The following ARMC8 variants were observed in gnomAD, a reference collection of about 807,000 sequenced individuals.
ARMC8 encodes the protein armadillo repeat-containing protein 8.
A neutral mutation model predicts 99.3 loss-of-function variants in ARMC8; 20 were observed. The ratio of observed to expected loss-of-function variants is 0.20; its 90% CI spans 0.14 to 0.29. The LOEUF is 0.29. Ranked by LOEUF, ARMC8 falls within the 10% of genes least tolerant of loss-of-function variation. The probability of loss-of-function intolerance (pLI) is 1.00; values close to 1 mark genes in which losing one functional copy is unlikely to be tolerated. For synonymous variants in ARMC8, 263 were observed against 278.3 expected (o/e 0.95, Z 0.55); for missense variants, 569 against 809.5 (o/e 0.70, Z 3.60).
At chr3:138,245,915 C>A (rs2046859862) in intron 12 of ARMC8, 2 of 985,276 alleles carry the variant, frequency 2.0e-6, no homozygotes, top group Admixed American at 6.2e-5. Context: ...AAATTCTACA[C>A]AAGGCTTTCA....
chr3:138,238,323 C>G (rs1236266876), intron 9 of ARMC8: 1 of 152,276 alleles, frequency 6.6e-6, no homozygotes, highest in African/African-American at 2.4e-5. Flanking sequence ...CCTCGGCCTC[C>G]CAAAGTGCTG....
At chr3:138,198,451 T>C (rs905368882) in intron 1 of ARMC8, among the ~76,000 whole-genome samples, 1 of 151,600 alleles carries the variant, frequency 6.6e-6, no homozygotes, top group East Asian at 1.9e-4. Context: ...ACTCCCACTT[T>C]TTAAAAACAA....
chr3:138,237,192 C>G, intron 7 of ARMC8, 117 bp from the exon 8 acceptor site: 1 of 813,826 alleles, frequency 1.2e-6, no homozygotes, highest in Non-Finnish European at 2.0e-6. Flanking sequence ...TTCTTTGAGG[C>G]CTGTTAGTAT....
intron 14 of ARMC8, among the ~76,000 whole-genome samples, chr3:138,265,940 G>C (rs1446535731): frequency 1.3e-5 from 2 of 152,216 alleles, no homozygotes; most frequent in Non-Finnish European, 2.9e-5. Flanking sequence ...AGCTACTTCA[G>C]TGGAAGGAAT....
intron 1 of ARMC8, among the ~76,000 whole-genome samples, chr3:138,200,792 A>C (rs2044013843): frequency 6.6e-6 from 1 of 152,124 alleles, no homozygotes. Context: ...TATGCTATTA[A>C]ACATTTTTTC....
rs71146119 is a variant in ARMC8 at position 138,229,134 on chromosome 3, GTATATATATATATATATATATATATATA to G, written c.528+146_528+173del. 127 of 78,614 alleles carry G rather than the reference GTATATATATATATATATATATATATATA, an allele frequency of 1.6e-3. 1 individual carries two copies. The highest frequency in any genetic ancestry group is 3.6e-3 in the Admixed American group (24 of 6,620). 4.9% of individuals were successfully genotyped at this position (78,614 alleles called of 1,614,324 possible). ...TATAAGTAGACCTGTGTGTGTGCGT[GTATATATATATATATATATATATATATA>G]TATATATATATATATATATATGTAT... On this transcript the variant is annotated intron_variant, in intron 6 of 21. Transcript: ENST00000469044.
In ARMC8 at chr3:138,289,034, T is replaced by C; in HGVS notation, c.1822-14T>C. On this transcript the variant is annotated splice_polypyrimidine_tract_variant and intron_variant, in intron 19 of 21. Coordinates refer to ENST00000469044, the MANE Select transcript of ARMC8 (RefSeq NM_001363941.2). ...CCACCATTTTGATTTTTTTTTCTTT[T>C]TCTGTATTAATAGGGCCATTCACAT... is the stretch of plus-strand genomic sequence containing the variant. 1 of 1,606,686 alleles carries C rather than the reference T, an allele frequency of 6.2e-7. No individual in the cohort carries two copies. The highest frequency in any genetic ancestry group is 1.1e-5 in the South Asian group (1 of 89,696).
intron 12 of ARMC8, chr3:138,245,386 G>C: frequency 8.6e-6 from 12 of 1,400,534 alleles, no homozygotes; most frequent in Non-Finnish European, 1.1e-5. Context: ...TGGCATGGCC[G>C]TGCTGGAATG....
At chr3:138,209,735 A>T in intron 1 of ARMC8, 82 bp from the exon 2 acceptor site, 1 of 1,145,294 alleles carries the variant, frequency 8.7e-7, no homozygotes, top group Non-Finnish European at 1.3e-6. Context: ...TAAATTATCT[A>T]GTCACTTGAT....
intron 2 of ARMC8, among the ~76,000 whole-genome samples, chr3:138,211,466 G>A (rs1038895306): frequency 6.6e-6 from 1 of 152,152 alleles, no homozygotes; most frequent in African/African-American, 2.4e-5. Context: ...AAGAACACTA[G>A]TTTCTCAAAA....
intron 19 of ARMC8, among the ~76,000 whole-genome samples, chr3:138,285,533 T>C (rs2050326105): frequency 1.3e-5 from 2 of 152,194 alleles, no homozygotes; most frequent in Admixed American, 6.5e-5. Flanking sequence ...TGGAACACTT[T>C]TCTTCTCTCT....
chr3:138,193,367 T>C (rs1576566540), intron 1 of ARMC8, among the ~76,000 whole-genome samples: 2 of 151,828 alleles, frequency 1.3e-5, no homozygotes, highest in East Asian at 3.9e-4. Flanking sequence ...CTCAAGAGAT[T>C]CTCGGGCCTC....
In ARMC8 at chr3:138,187,464, G is replaced by A. The variant is rs2043124171; in HGVS notation, c.-91G>A. On this transcript the variant is annotated 5_prime_UTR_variant, in exon 1 of 22. Transcript: ENST00000469044. The stretch of plus-strand genomic sequence containing the variant: ...GTTCTCGTCTATCTGGCTGCCTTTA[G>A]GGAGCGGTGCCTAGCGTTGGCCAAT... The A allele has an allele frequency of 2.9e-6, 4 of 1,376,600 alleles. No homozygotes were observed. The highest frequency in any genetic ancestry group is 4.0e-6 in the Non-Finnish European group (4 of 1,004,658). 85.3% of individuals were successfully genotyped at this position (1,376,600 alleles called of 1,614,324 possible).
At chr3:138,241,331 C>CA (rs2046609852) in intron 10 of ARMC8, among the ~76,000 whole-genome samples, 1 of 152,000 alleles carries the variant, frequency 6.6e-6, no homozygotes, top group Admixed American at 6.6e-5. Flanking sequence ...CTCCCCAAAC[C>CA]AAAAAATAAA....
intron 19 of ARMC8, among the ~76,000 whole-genome samples, chr3:138,286,454 A>G (rs1577026914): frequency 6.6e-6 from 1 of 152,078 alleles, no homozygotes; most frequent in East Asian, 1.9e-4. Flanking sequence ...CCAGCTGACT[A>G]TTTCCTCCTC....
intron 9 of ARMC8, 183 bp from the exon 10 acceptor site, chr3:138,239,285 G>T: frequency 5.8e-6 from 3 of 519,188 alleles, no homozygotes; most frequent in Non-Finnish European, 1.0e-5. Flanking sequence ...GTATTTGTCA[G>T]TTAGTTTTCT....
At chr3:138,266,037 A>G (rs1401064480) in intron 14 of ARMC8, among the ~76,000 whole-genome samples, 2 of 152,370 alleles carry the variant, frequency 1.3e-5, no homozygotes, top group South Asian at 2.1e-4. Context: ...AAGTGTCACA[A>G]TATGGTCTTA....
intron 20 of ARMC8, 38 bp downstream of exon 20, chr3:138,289,158 G>C: frequency 1.3e-6 from 2 of 1,525,778 alleles, no homozygotes; most frequent in Non-Finnish European, 1.8e-6. Context: ...AAAAAATTAT[G>C]GGAAGAGTGT....
intron 19 of ARMC8, among the ~76,000 whole-genome samples, chr3:138,286,234 C>T (rs1410231885): frequency 1.3e-5 from 2 of 152,278 alleles, no homozygotes; most frequent in South Asian, 2.1e-4. Flanking sequence ...TGAGCCACTG[C>T]GCCCAACCTT....
Sources: allele counts gnomAD v4.1 joint callset (sites outside exome capture counted in the v4.1 genomes callset), GRCh38; gene constraint gnomAD v4.1.1; transcripts MANE v1.5; gene names NCBI Gene and HGNC (gene_info 2026-07-23, HGNC 2026-07-21).